DNAH2: variants seen among roughly 807,000 people sequenced by gnomAD.
DNAH2 encodes the protein dynein axonemal heavy chain 2.
In DNAH2, 323 loss-of-function variants were observed where a neutral mutation model predicts 523.5. That is an observed-to-expected ratio of 0.62 (90% confidence interval 0.56 to 0.68). DNAH2 has a LOEUF of 0.68. Ranked by LOEUF, DNAH2 falls within the 30% of genes least tolerant of loss-of-function variation. The pLI is 0.00. For synonymous variants in DNAH2, 2,093 were observed against 2,177.4 expected, an observed-to-expected ratio of 0.96 and a Z score of 1.08; for missense variants, 4,907 against 5,701.5, an observed-to-expected ratio of 0.86 and a Z score of 4.49.
Position 7,794,266 on chromosome 17 carries a change from A to G in DNAH2, c.7582A>G (p.Met2528Val). Residue 2528 changes from methionine (M) to valine (V), a missense_variant, in exon 49 of 86, where the codon ATG (methionine) becomes GTG (valine). Physicochemically the swap from Met to Val is conservative, Grantham distance 21 (BLOSUM62 1). Coordinates refer to ENST00000572933, the MANE Select transcript of DNAH2 (RefSeq NM_020877.5). ...TIKYIREMFL[M>V]AAMGPPGGGR... The stretch of plus-strand genomic sequence containing the variant: ...CGCTGCTCTCTAGGAAATGTTCCTG[A>G]TGGCTGCCATGGGCCCCCCTGGGGG... 1 of 1,607,510 alleles carries G rather than the reference A, an allele frequency of 6.2e-7. No individual in the cohort carries two copies. The highest frequency in any genetic ancestry group is 8.5e-7 in the Non-Finnish European group (1 of 1,177,180).
In DNAH2 at chr17:7,827,507, G is replaced by A. The variant is rs1283804104; in HGVS notation, c.11853+2780G>A. ...GTCACCCAGGCTAGAGTGCAGTGGC[G>A]TGATCTCGGCTCACTGCAACCTCTG... On this transcript the variant is annotated intron_variant, in intron 77 of 85. Coordinates refer to ENST00000572933, the MANE Select transcript of DNAH2 (RefSeq NM_020877.5). 2.6e-5 allele frequency among the ~76,000 whole-genome samples: 4 copies of A among 151,976 alleles called. 1 individual carries two copies. Among genetic ancestry groups the A allele is most frequent in the Non-Finnish European group, 1.5e-5 (1 of 68,018 alleles).
intron 12 of DNAH2, among the ~76,000 whole-genome samples, chr17:7,749,133 A>G (rs2075596692): frequency 6.6e-6 from 1 of 150,944 alleles, no homozygotes; most frequent in Non-Finnish European, 1.5e-5. Flanking sequence ...ACATGGAGAT[A>G]CCCTGTCTCT....
In DNAH2 at chr17:7,737,156, C is replaced by T. The variant is rs1597483334; in HGVS notation, c.1068C>T (p.Asp356=). Residue 356 remains aspartate (D), a synonymous_variant, in exon 8 of 86, where the codon GAC becomes GAT. Transcript: ENST00000572933. The stretch of plus-strand genomic sequence containing the variant: ...AGTTGGCTTTCATGAAGCCCAAGGA[C>T]ATCTCTAGCAAGCTCCCTAAGCTGA... ...YQELAFMKPK[D]ISSKLPKLIS... is the part of the protein sequence containing the mutation. The T allele has an allele frequency of 1.2e-6, 2 of 1,614,012 alleles. No individual in the cohort carries two copies. The highest frequency in any genetic ancestry group is 1.7e-6 in the Non-Finnish European group (2 of 1,180,034).
chr17:7,749,888 A>C (rs1223240225), intron 12 of DNAH2, among the ~76,000 whole-genome samples: 1 of 152,046 alleles, frequency 6.6e-6, no homozygotes. Context: ...CTAGCTACTC[A>C]GGAGGCTGAG....
chr17:7,792,619 C>T lies in DNAH2; in HGVS notation c.7146-38C>T, dbSNP rs111273017. On this transcript the variant is annotated intron_variant, in intron 46 of 85. Transcript: ENST00000572933. Reference sequence around the variant, plus strand: ...GAAGTGGGAGTTGGAAAGGAGTGGGCGGCTGGTCCTTGAGAGCCGGCCCCT... The same window carrying T: ...GAAGTGGGAGTTGGAAAGGAGTGGGTGGCTGGTCCTTGAGAGCCGGCCCCT... 4.9e-3 allele frequency: 7,513 copies of T among 1,548,738 alleles called. 21 individuals are homozygous for T. The highest frequency in any genetic ancestry group is 5.9e-3 in the Non-Finnish European group (6,657 of 1,125,442).
chr17:7,832,969 T>C lies in DNAH2; in HGVS notation c.12978+41T>C. ...GCTTGGGGCTCTGAGCAAAAGAGGG[T>C]ACTGGAAATAATTGGACGAAAAGGG... On this transcript the variant is annotated intron_variant, in intron 84 of 85. Transcript: ENST00000572933. The surrounding 1 kb of genome is among the most constrained non-coding windows in gnomAD (Gnocchi z 4.3). 1 of 1,613,562 alleles carries C rather than the reference T, an allele frequency of 6.2e-7. No individual in the cohort carries two copies. The highest frequency in any genetic ancestry group is 8.5e-7 in the Non-Finnish European group (1 of 1,179,816).
intron 58 of DNAH2, among the ~76,000 whole-genome samples, chr17:7,803,879 GA>G (rs1453987321): frequency 2.6e-5 from 4 of 152,112 alleles, no homozygotes; most frequent in Admixed American, 2.6e-4. Context: ...TTCCCATAGG[GA>G]AAAAAAACCA....
At chr17:7,731,134 T>A (rs1030363332) in intron 4 of DNAH2, among the ~76,000 whole-genome samples, 40 of 148,794 alleles carry the variant, frequency 2.7e-4, no homozygotes, top group Admixed American at 1.0e-3. Flanking sequence ...ATAAATAAAT[T>A]AATTAAATTA....
At chr17:7,749,719 A>C (rs1440419644) in intron 12 of DNAH2, among the ~76,000 whole-genome samples, 1 of 152,126 alleles carries the variant, frequency 6.6e-6, no homozygotes, top group Non-Finnish European at 1.5e-5. Context: ...TTATTAGGCC[A>C]GGTGTGGTGG....
At chr17:7,752,871 T>G (rs2075728586) in intron 12 of DNAH2, among the ~76,000 whole-genome samples, 1 of 152,210 alleles carries the variant, frequency 6.6e-6, no homozygotes, top group African/African-American at 2.4e-5. Flanking sequence ...GAATTGTTGT[T>G]AGCACTTAAA....
chr17:7,775,962 TG>T, intron 30 of DNAH2, 61 bp from the exon 31 acceptor site: 1 of 1,597,904 alleles, frequency 6.3e-7, no homozygotes, highest in Non-Finnish European at 8.6e-7. Flanking sequence ...GTGCCTTCCC[TG>T]TGGAGGACCT....
intron 27 of DNAH2, 53 bp downstream of exon 27, chr17:7,770,986 T>C: frequency 1.9e-6 from 3 of 1,584,052 alleles, no homozygotes; most frequent in Non-Finnish European, 2.6e-6. Flanking sequence ...CTCCTTCTTT[T>C]TCTTAAGACC....
At chr17:7,805,969 A>T (rs1027400564) in intron 61 of DNAH2, among the ~76,000 whole-genome samples, 1 of 152,248 alleles carries the variant, frequency 6.6e-6, no homozygotes, top group Non-Finnish European at 1.5e-5. Context: ...GATTGCTTTT[A>T]TAATTATTAA....
At chr17:7,741,240 TTCTTTCTTTC>T (rs2075312047) in intron 11 of DNAH2, among the ~76,000 whole-genome samples, 1 of 26,802 alleles carries the variant, frequency 3.7e-5, no homozygotes, top group Non-Finnish European at 7.7e-5. Context: ...CTCTCTCTCT[TTCTTTCTTTC>T]TTTCTTTCTT....
intron 56 of DNAH2, 70 bp downstream of exon 56, chr17:7,799,312 C>T (rs2077157785): frequency 1.3e-6 from 2 of 1,578,906 alleles, no homozygotes; most frequent in East Asian, 2.3e-5. Flanking sequence ...CCTCCTGTGC[C>T]TTCTGGAAAT....
intron 63 of DNAH2, among the ~76,000 whole-genome samples, chr17:7,809,408 A>T (rs1408091865): frequency 6.6e-6 from 1 of 150,464 alleles, no homozygotes; most frequent in Non-Finnish European, 1.5e-5. Context: ...TGTGCAGGGA[A>T]CTCACCCAGG....
At position 7,807,022 on chromosome 17, in the gene DNAH2, C is replaced by A; in HGVS notation, c.9443-128C>A. On this transcript the variant is annotated intron_variant, in intron 61 of 85. Coordinates refer to ENST00000572933, the MANE Select transcript of DNAH2 (RefSeq NM_020877.5). The surrounding 1 kb of genome is among the most constrained non-coding windows in gnomAD (Gnocchi z 5.6). ...CAGAGGGAGGAACTAGGGGCCAGGT[C>A]AGATAATTTGGCCTTAGGAACTGAG... 9.1e-7 allele frequency: 1 copy of A among 1,097,710 alleles called. No individual in the cohort carries two copies. Among genetic ancestry groups the A allele is most frequent in the Non-Finnish European group, 1.3e-6 (1 of 761,926 alleles). The allele number at this position is 1,097,710 out of a possible 1,614,324, so 68.0% of individuals were successfully genotyped here.
chr17:7,774,831 A>G lies in DNAH2; in HGVS notation c.4574A>G (p.Glu1525Gly), dbSNP rs2076405250. 1 of 1,614,248 alleles carries G rather than the reference A, an allele frequency of 6.2e-7. No homozygotes were observed. Among genetic ancestry groups the G allele is most frequent in the Non-Finnish European group, 8.5e-7 (1 of 1,180,046 alleles). Residue 1525 changes from glutamate (E) to glycine (G), a missense_variant, in exon 29 of 86, where the codon GAG becomes GGG. By Grantham distance (98) the Glu-to-Gly change is moderately conservative (BLOSUM62 -2). This residue lies in a region of DNAH2 where 2,806 missense variants were observed against 3,190.8 expected (regional missense o/e 0.88). Coordinates refer to ENST00000572933, the MANE Select transcript of DNAH2 (RefSeq NM_020877.5). ...DIQKSLDMYL[E>G]TKRHIFPRFY... ...CAGAAATCTCTGGATATGTATTTAG[A>G]GACCAAGCGACATATTTTCCCCCGC...
rs2077107405 is a variant in DNAH2 at position 7,797,797 on chromosome 17, A to G, written c.8198A>G (p.Gln2733Arg). The G allele has an allele frequency of 6.2e-7, 1 of 1,613,664 alleles. No individual in the cohort carries two copies. Among genetic ancestry groups the G allele is most frequent in the Non-Finnish European group, 8.5e-7 (1 of 1,179,874 alleles). The change falls in exon 53 of 86, where the codon CAG becomes CGG. Residue 2733 changes from glutamine to arginine, a missense_variant. Around this residue, in one of 3 missense-constraint regions of DNAH2, gnomAD observed 250 missense variants for 371.3 expected, o/e 0.67. Transcript: ENST00000572933. ...YNLSPSVVPM[Q>R]LVLFREAIEH... ...CTGTCACCCTCTGTCGTGCCCATGCAGCTAGTGCTCTTCCGAGAGGCTATT... is the reference window on the plus strand; with the variant it reads ...CTGTCACCCTCTGTCGTGCCCATGCGGCTAGTGCTCTTCCGAGAGGCTATT...
Sources: gnomAD v4.1 joint callset for allele counts (sites outside exome capture counted in the v4.1 genomes callset) on GRCh38, gnomAD v4.1.1 for gene constraint, gnomAD v4.1.1 regional missense constraint, Gnocchi (gnomAD v3.1) non-coding constraint, MANE v1.5 for transcripts, NCBI Gene and HGNC (gene_info 2026-07-23, HGNC 2026-07-21) for gene names.